ARHGEF11: variants seen among roughly 807,000 people sequenced by gnomAD.
ARHGEF11 encodes the protein Rho guanine nucleotide exchange factor 11, also known as Rho guanine exchange factor (GEF) 11.
In ARHGEF11, 55 loss-of-function variants were observed where a neutral mutation model predicts 193.7. The observed-to-expected ratio is 0.28, with a 90% CI of 0.23 to 0.36. The LOEUF (loss-of-function observed/expected upper bound fraction) is 0.36. Ranked by LOEUF, ARHGEF11 falls within the 10% of genes least tolerant of loss-of-function variation. The probability of loss-of-function intolerance (pLI) is 1.00; values close to 1 mark genes in which losing one functional copy is unlikely to be tolerated. For missense variants in ARHGEF11, 1,723 were observed against 2,005.6 expected, an observed-to-expected ratio of 0.86 and a Z score of 2.69; for synonymous variants, 693 against 768.0, an observed-to-expected ratio of 0.90 and a Z score of 1.62.
In ARHGEF11 at chr1:156,935,820, C is replaced by T; in HGVS notation, c.*180G>A. Reference sequence around the variant, plus strand: ...GGAGGGAAAAGACACTGAAACCTGACTCCGACTTGAGCAGACCAAGCAACA... The same window carrying T: ...GGAGGGAAAAGACACTGAAACCTGATTCCGACTTGAGCAGACCAAGCAACA... On this transcript the variant is annotated 3_prime_UTR_variant, in exon 41 of 41. Transcript: ENST00000368194. The T allele has an allele frequency of 1.5e-6, 1 of 657,894 alleles. No individual in the cohort carries two copies. 40.8% of individuals were successfully genotyped at this position (657,894 alleles called of 1,614,324 possible).
chr1:157,033,556 C>T (rs995974951), intron 1 of ARHGEF11, among the ~76,000 whole-genome samples: 4 of 152,136 alleles, frequency 2.6e-5, no homozygotes, highest in Non-Finnish European at 5.9e-5. Context: ...CTGATCATGT[C>T]ACCCTCTATT....
chr1:156,952,800 T>A (rs561135093), intron 21 of ARHGEF11, among the ~76,000 whole-genome samples: 1 of 152,388 alleles, frequency 6.6e-6, no homozygotes, highest in South Asian at 2.1e-4. Context: ...AGTAGGGCTA[T>A]TACCATCACT....
At chr1:157,021,296 T>C (rs558736635) in intron 1 of ARHGEF11, among the ~76,000 whole-genome samples, 1 of 152,284 alleles carries the variant, frequency 6.6e-6, no homozygotes, top group South Asian at 2.1e-4. Flanking sequence ...ATCAAGTATG[T>C]GTCAAGTATT....
At chr1:157,041,502 C>G (rs540845589) in intron 1 of ARHGEF11, among the ~76,000 whole-genome samples, 1 of 152,214 alleles carries the variant, frequency 6.6e-6, no homozygotes, top group Non-Finnish European at 1.5e-5. Context: ...CTCTCAGCTA[C>G]AATCTCTTTC....
At chr1:156,995,006 T>C (rs1666277447) in intron 1 of ARHGEF11, among the ~76,000 whole-genome samples, 1 of 144,862 alleles carries the variant, frequency 6.9e-6, no homozygotes, top group Admixed American at 6.9e-5. Context: ...AAATCTGAGA[T>C]TATCTTTGAC....
intron 1 of ARHGEF11, among the ~76,000 whole-genome samples, chr1:157,005,111 C>A (rs1667666960): frequency 6.6e-6 from 1 of 152,204 alleles, no homozygotes; most frequent in African/African-American, 2.4e-5. Context: ...GGCTGATGTT[C>A]CCATTATTTC....
intron 1 of ARHGEF11, among the ~76,000 whole-genome samples, chr1:157,042,295 A>G (rs909600449): frequency 2.0e-5 from 3 of 152,156 alleles, no homozygotes; most frequent in Non-Finnish European, 4.4e-5. Flanking sequence ...CAAGACAGAA[A>G]AGTAGAAGGG....
At chr1:156,999,958 C>G (rs1329171444) in intron 1 of ARHGEF11, among the ~76,000 whole-genome samples, 1 of 152,194 alleles carries the variant, frequency 6.6e-6, no homozygotes, top group Non-Finnish European at 1.5e-5. Context: ...AACCACTCTA[C>G]AAGAGTATCT....
chr1:156,940,321 G>A lies in ARHGEF11; in HGVS notation c.3619C>T (p.Pro1207Ser). The A allele has an allele frequency of 6.2e-7, 1 of 1,613,940 alleles. No homozygotes were observed. The highest frequency in any genetic ancestry group is 8.5e-7 in the Non-Finnish European group (1 of 1,179,894). ...TTCTCTCCATCCAGGGATGTGGAAGGGCAAGGCAGGACACCCAGTTCCTCT... is the reference window on the plus strand; with the variant it reads ...TTCTCTCCATCCAGGGATGTGGAAGAGCAAGGCAGGACACCCAGTTCCTCT... ...EEEELGVLPC[P>S]STSLDGENRG... The change falls in exon 36 of 41, where the codon CCT becomes TCT. Residue 1207 changes from proline to serine, a missense_variant. Physicochemically the swap from Pro to Ser is moderately conservative, Grantham distance 74 (BLOSUM62 -1). Coordinates refer to ENST00000368194, the MANE Select transcript of ARHGEF11 (RefSeq NM_198236.3).
chr1:156,971,252 T>C (rs558371304), intron 8 of ARHGEF11, among the ~76,000 whole-genome samples: 1 of 152,352 alleles, frequency 6.6e-6, no homozygotes, highest in East Asian at 1.9e-4. Flanking sequence ...GGGTCTTTTA[T>C]GTAGTCTGAC....
At chr1:156,941,508 G>T in intron 34 of ARHGEF11, 75 bp from the exon 35 acceptor site, 1 of 1,509,248 alleles carries the variant, frequency 6.6e-7, no homozygotes. Context: ...ATGGGCAATG[G>T]AGTAGGATCC....
chr1:156,956,813 T>C (rs529531533), intron 18 of ARHGEF11, among the ~76,000 whole-genome samples: 1 of 152,316 alleles, frequency 6.6e-6, no homozygotes, highest in Admixed American at 6.5e-5. Context: ...AGTCTTATTC[T>C]TTCCCTAAGC....
At chr1:156,962,862 G>C (rs138626429) in intron 13 of ARHGEF11, among the ~76,000 whole-genome samples, 4 of 126,530 alleles carry the variant, frequency 3.2e-5, no homozygotes, top group African/African-American at 1.2e-4. Flanking sequence ...CTCGGCGACA[G>C]TGCGAGACTC....
At chr1:157,007,029 A>T (rs1667904799) in intron 1 of ARHGEF11, among the ~76,000 whole-genome samples, 1 of 152,184 alleles carries the variant, frequency 6.6e-6, no homozygotes, top group Non-Finnish European at 1.5e-5. Flanking sequence ...GGGAGGCGGC[A>T]GAGGTACCAG....
At chr1:157,003,573 G>C (rs1667454005) in intron 1 of ARHGEF11, among the ~76,000 whole-genome samples, 1 of 152,238 alleles carries the variant, frequency 6.6e-6, no homozygotes, top group Non-Finnish European at 1.5e-5. Context: ...GTTCAGAGAA[G>C]ATAAAGGACT....
At position 156,969,347 on chromosome 1, in the gene ARHGEF11, G is replaced by A; in HGVS notation, c.760C>T (p.Leu254=). 1 of 1,608,334 alleles carries A rather than the reference G, an allele frequency of 6.2e-7. No homozygotes were observed. The highest frequency in any genetic ancestry group is 8.5e-7 in the Non-Finnish European group (1 of 1,177,146). ...SQRPSEGRLS[L]DSQEGDSGLD... ...CCACTGTCCCCCTCCTGGGAATCCAGAGAGAGCCGGCCTGAGAAGAAAATA... is the reference window on the plus strand; with the variant it reads ...CCACTGTCCCCCTCCTGGGAATCCAAAGAGAGCCGGCCTGAGAAGAAAATA... Residue 254 remains leucine (L), a synonymous_variant, in exon 10 of 41, where the codon CTG becomes TTG. Coordinates refer to ENST00000368194, the MANE Select transcript of ARHGEF11 (RefSeq NM_198236.3).
At chr1:156,984,198 C>T (rs1397716330) in intron 3 of ARHGEF11, 141 bp downstream of exon 3, 10 of 594,218 alleles carry the variant, frequency 1.7e-5, no homozygotes, top group Non-Finnish European at 2.8e-5. Flanking sequence ...ATTGAAGAGG[C>T]TTCCCCACGC....
intron 1 of ARHGEF11, among the ~76,000 whole-genome samples, chr1:157,042,331 T>C (rs1293835586): frequency 6.6e-6 from 1 of 152,096 alleles, no homozygotes; most frequent in African/African-American, 2.4e-5. Flanking sequence ...GACGGGCACT[T>C]TACCCTACTA....
At chr1:156,960,762 A>C (rs1431988548) in intron 14 of ARHGEF11, among the ~76,000 whole-genome samples, 1 of 152,120 alleles carries the variant, frequency 6.6e-6, no homozygotes. Context: ...CAAAAAGTGG[A>C]CCTGTGCTGA....
Sources: gnomAD v4.1 joint callset for allele counts (sites outside exome capture counted in the v4.1 genomes callset) on GRCh38, gnomAD v4.1.1 for gene constraint, MANE v1.5 for transcripts, NCBI Gene and HGNC (gene_info 2026-07-23, HGNC 2026-07-21) for gene names.